The following UNC5D variants were observed in gnomAD, a reference collection of about 807,000 sequenced individuals.
UNC5D encodes the protein netrin receptor UNC5D.
Under a neutral mutation model 105.4 loss-of-function variants are expected in UNC5D, and 39 were observed. The ratio of observed to expected loss-of-function variants is 0.37; its 90% CI spans 0.29 to 0.48. UNC5D has a LOEUF of 0.48. Ranked by LOEUF, UNC5D falls within the 20% of genes least tolerant of loss-of-function variation. The pLI is 0.98. For missense variants in UNC5D, 991 were observed against 1,202.4 expected (o/e 0.82, Z 2.60); for synonymous variants, 452 against 450.4 (o/e 1.00, Z -0.04).
intron 1 of UNC5D, among the ~76,000 whole-genome samples, chr8:35,473,069 T>C (rs1480953119): frequency 1.3e-5 from 2 of 152,174 alleles, no homozygotes; most frequent in East Asian, 3.9e-4. Flanking sequence ...TAATGTTTCT[T>C]TAAATGTGAT....
chr8:35,611,663 G>A (rs964966998), intron 4 of UNC5D, among the ~76,000 whole-genome samples: 1 of 152,130 alleles, frequency 6.6e-6, no homozygotes, highest in African/African-American at 2.4e-5. Context: ...CTAATAGCTG[G>A]ATGTATTAGA....
chr8:35,279,217 T>C lies in UNC5D; in HGVS notation c.103+43330T>C, dbSNP rs573232603. On this transcript the variant is annotated intron_variant, in intron 1 of 16. Coordinates refer to ENST00000404895, the MANE Select transcript of UNC5D (RefSeq NM_080872.4). ...CTACTCAGTTCTTATGTAAATAGTG[T>C]CTGATGCTTACAGAGTTGAGTTAAG... Among the ~76,000 whole-genome samples, 10 of 152,320 alleles carry C rather than the reference T, an allele frequency of 6.6e-5. No individual in the cohort carries two copies. The South Asian group carries it at 2.1e-3, about 32-fold the overall frequency.
At chr8:35,572,960 C>A (rs950787101) in intron 3 of UNC5D, among the ~76,000 whole-genome samples, 9 of 152,036 alleles carry the variant, frequency 5.9e-5, no homozygotes, top group Admixed American at 3.9e-4. Context: ...CCCGCCACCA[C>A]GCCCGGCTAA....
chr8:35,298,212 C>G lies in UNC5D; in HGVS notation c.103+62325C>G, dbSNP rs539405131. On this transcript the variant is annotated intron_variant, in intron 1 of 16. Transcript: ENST00000404895. ...GGACTCTGTTACTCACAGAAACACC[C>G]CCATAGTCCCTGGCTCTTTCCAAGT... is the stretch of plus-strand genomic sequence containing the variant. 1.6e-3 allele frequency among the ~76,000 whole-genome samples: 248 copies of G among 152,264 alleles called. 2 individuals carry two copies. Among genetic ancestry groups the G allele is most frequent in the Non-Finnish European group, 2.7e-3 (184 of 68,020 alleles).
At chr8:35,537,249 A>G (rs1814910881) in intron 1 of UNC5D, among the ~76,000 whole-genome samples, 1 of 152,250 alleles carries the variant, frequency 6.6e-6, no homozygotes. Context: ...CAGCAAGTGT[A>G]TACTAAGCAA....
chr8:35,622,267 G>T (rs1308395086), intron 4 of UNC5D, among the ~76,000 whole-genome samples: 1 of 152,124 alleles, frequency 6.6e-6, no homozygotes, highest in Non-Finnish European at 1.5e-5. Context: ...GCTTGAACCT[G>T]GGAGGTGGAG....
At chr8:35,620,416 A>C (rs1367813209) in intron 4 of UNC5D, among the ~76,000 whole-genome samples, 1 of 152,166 alleles carries the variant, frequency 6.6e-6, no homozygotes, top group Non-Finnish European at 1.5e-5. Flanking sequence ...TAGATAGCCC[A>C]TCAAAGGTTC....
intron 4 of UNC5D, among the ~76,000 whole-genome samples, chr8:35,633,455 A>G (rs4739418): frequency 2.0e-5 from 3 of 151,936 alleles, no homozygotes; most frequent in African/African-American, 7.3e-5. Flanking sequence ...TTAAAAAAAA[A>G]TCCTTTTTTG....
chr8:35,525,464 G>A (rs1020729247), intron 1 of UNC5D: 1 of 1,612,126 alleles, frequency 6.2e-7, no homozygotes, highest in African/African-American at 1.3e-5. Context: ...CATAGGCCTG[G>A]CTCAGCTTCT....
intron 1 of UNC5D, among the ~76,000 whole-genome samples, chr8:35,510,439 G>C (rs1812626940): frequency 6.6e-6 from 1 of 151,752 alleles, no homozygotes; most frequent in South Asian, 2.1e-4. Context: ...TGTTGAAATA[G>C]ATATTATCAG....
At chr8:35,416,953 G>A (rs1211077583) in intron 1 of UNC5D, among the ~76,000 whole-genome samples, 13 of 151,974 alleles carry the variant, frequency 8.6e-5, no homozygotes, top group Non-Finnish European at 1.6e-4. Context: ...ATTTTTAATT[G>A]TTGTGGGTAC....
chr8:35,569,225 T>C (rs764951140), intron 3 of UNC5D, among the ~76,000 whole-genome samples: 1 of 152,210 alleles, frequency 6.6e-6, no homozygotes, highest in Non-Finnish European at 1.5e-5. Flanking sequence ...TCTTCAGCCC[T>C]CCCACTTCCA....
intron 16 of UNC5D, among the ~76,000 whole-genome samples, chr8:35,782,754 C>T (rs373040686): frequency 3.3e-5 from 5 of 152,050 alleles, no homozygotes; most frequent in Non-Finnish European, 5.9e-5. Context: ...CCACCCTCCT[C>T]GGCCTCCCAA....
intron 1 of UNC5D, among the ~76,000 whole-genome samples, chr8:35,362,000 C>T (rs991224425): frequency 6.6e-6 from 1 of 152,000 alleles, no homozygotes; most frequent in African/African-American, 2.4e-5. Context: ...CAATTAGTGG[C>T]AAATAAAATC....
chr8:35,391,280 A>C (rs1207862987), intron 1 of UNC5D, among the ~76,000 whole-genome samples: 1 of 152,190 alleles, frequency 6.6e-6, no homozygotes, highest in African/African-American at 2.4e-5. Context: ...CTTCTTCTCC[A>C]TCATCATTTC....
chr8:35,790,504 A>G lies in UNC5D; in HGVS notation c.2803A>G (p.Ile935Val). ...GAGGACACACACGAAACTCTCAAACATTTCAGAATCCCAGCTTGATGAAGC... is the reference window on the plus strand; with the variant it reads ...GAGGACACACACGAAACTCTCAAACGTTTCAGAATCCCAGCTTGATGAAGC... ...IGRTHTKLSNISESQLDEADF... is the reference protein window; with the variant it reads ...IGRTHTKLSNVSESQLDEADF... Residue 935 changes from isoleucine (I) to valine (V), a missense_variant, in exon 17 of 17, where the codon ATT becomes GTT. Ile to Val is a conservative substitution (Grantham distance 29, BLOSUM62 3). This residue lies in a region of UNC5D where 45 missense variants were observed against 54.5 expected (regional missense o/e 0.83). Coordinates refer to ENST00000404895, the MANE Select transcript of UNC5D (RefSeq NM_080872.4). The G allele has an allele frequency of 1.2e-6, 2 of 1,613,940 alleles. No individual in the cohort carries two copies. Among genetic ancestry groups the G allele is most frequent in the Non-Finnish European group, 1.7e-6 (2 of 1,179,882 alleles).
intron 1 of UNC5D, among the ~76,000 whole-genome samples, chr8:35,507,049 C>T (rs373532047): frequency 5.9e-4 from 45 of 76,182 alleles, no homozygotes; most frequent in Admixed American, 1.1e-3. Context: ...CAGGGCTTTT[C>T]TTTTTTTTTT....
At chr8:35,305,941 G>GT (rs1054086299) in intron 1 of UNC5D, among the ~76,000 whole-genome samples, 1 of 135,592 alleles carries the variant, frequency 7.4e-6, no homozygotes, top group Non-Finnish European at 1.6e-5. Context: ...TCTCTCTGAT[G>GT]TTTTTTCTTC....
chr8:35,361,425 C>A (rs764704949), intron 1 of UNC5D, among the ~76,000 whole-genome samples: 4 of 152,106 alleles, frequency 2.6e-5, no homozygotes, highest in Non-Finnish European at 4.4e-5. Context: ...GACTGTGTAA[C>A]CTCCATGAGA....
Sources: allele counts gnomAD v4.1 joint callset (sites outside exome capture counted in the v4.1 genomes callset), GRCh38; gene constraint gnomAD v4.1.1; regional missense constraint gnomAD v4.1.1; transcripts MANE v1.5; gene names NCBI Gene and HGNC (gene_info 2026-07-23, HGNC 2026-07-21).